Variants in DRP2 observed in about 807,000 individuals in gnomAD.
The protein encoded by DRP2 is dystrophin-related protein 2.
In DRP2, 29 loss-of-function variants were observed where a neutral mutation model predicts 78.2. The ratio of observed to expected loss-of-function variants is 0.37; its 90% CI spans 0.28 to 0.51. The LOEUF is 0.51. Among genes scored for constraint, DRP2 ranks in the 20% least tolerant of loss-of-function variants. DRP2 has a pLI of 0.94. For synonymous variants in DRP2, 290 were observed against 281.9 expected, an observed-to-expected ratio of 1.03 and a Z score of -0.29; for missense variants, 686 against 770.6, an observed-to-expected ratio of 0.89 and a Z score of 1.30.
intron 8 of DRP2, among the ~76,000 whole-genome samples, 190 bp downstream of exon 8, chrX:101,242,661 G>A: frequency 9.0e-6 from 1 of 111,198 alleles, no homozygotes; most frequent in Middle Eastern, 4.6e-3. Flanking sequence ...GGGTCTTTCT[G>A]GATTTGGGCA....
chrX:101,244,488 G>C (rs5921761), intron 9 of DRP2, among the ~76,000 whole-genome samples: 21,891 of 110,852 alleles, frequency 0.2, 2,532 homozygotes, highest in African/African-American at 0.43. Flanking sequence ...TGAGCCATTC[G>C]TGGAAGGTCC....
intron 9 of DRP2, among the ~76,000 whole-genome samples, chrX:101,243,922 G>A (rs1464780767): frequency 1.8e-5 from 2 of 111,517 alleles, no homozygotes; most frequent in African/African-American, 6.5e-5. Flanking sequence ...GTGGATGATA[G>A]CTGAGGGAAG....
chrX:101,224,394 C>CA (rs1260706316), intron 1 of DRP2, among the ~76,000 whole-genome samples: 2,263 of 14,954 alleles, frequency 0.15, 103 homozygotes, highest in African/African-American at 0.36. Flanking sequence ...GACTCCGTCT[C>CA]AAAAAAAAAA....
At position 101,224,181 on chromosome X, in the gene DRP2, G is replaced by GTTTTTTTTTT. The variant is rs1379202759; in HGVS notation, c.-166-423_-166-422insTTTTTTTTTT. Among the ~76,000 whole-genome samples, 66 of 47,638 alleles carry GTTTTTTTTTT rather than the reference G, an allele frequency of 1.4e-3. 7 individuals are homozygous for GTTTTTTTTTT. The highest frequency in any genetic ancestry group is 2.3e-3 in the African/African-American group (19 of 8,188). The allele number at this position is 47,638 out of a possible 115,157, so 41.4% of individuals were successfully genotyped here. ...TCCCAAGAATAATAAATGTTTGCTG[G>GTTTTTTTTTT]GTTTTTTTTGTTTTTTTTTTTTTTT... On this transcript the variant is annotated intron_variant, in intron 1 of 23. Transcript: ENST00000395209.
chrX:101,250,392 G>T (rs757221237), intron 14 of DRP2, 31 bp from the exon 15 acceptor site: 30 of 1,210,073 alleles, frequency 2.5e-5, no homozygotes, highest in Admixed American at 6.5e-5. Context: ...CCTGTGTCGG[G>T]GTTGGCCATT....
rs1006748074 is a variant in DRP2 at position 101,261,859 on chromosome X, C to T, written c.*1238C>T. The T allele has an allele frequency of 1.8e-5, 2 of 111,788 alleles. No individual in the cohort carries two copies. The highest frequency in any genetic ancestry group is 6.5e-5 in the African/African-American group (2 of 30,767). The allele number at this position is 111,788 out of a possible 1,213,427, so 9.2% of individuals were successfully genotyped here. On this transcript the variant is annotated 3_prime_UTR_variant, in exon 24 of 24. Coordinates refer to ENST00000395209, the MANE Select transcript of DRP2 (RefSeq NM_001939.3). ...ATGATCTCTTTATCCAGAAACTGTT[C>T]AGAATAGATAGTAGGGGTGGGGGAG...
intron 3 of DRP2, among the ~76,000 whole-genome samples, chrX:101,235,137 T>C (rs1175083450): frequency 1.8e-5 from 2 of 111,627 alleles, no homozygotes; most frequent in African/African-American, 6.5e-5. Context: ...GCCTTACCAG[T>C]GCCCAGGAGA....
chrX:101,256,092 A>G, intron 20 of DRP2, 26 bp from the exon 21 acceptor site: 1 of 1,142,498 alleles, frequency 8.8e-7, no homozygotes. Flanking sequence ...CTGGTCACCT[A>G]CTCTGCTTTC....
rs1351264900 is a variant in DRP2 at position 101,250,543 on chromosome X, G to A, written c.1661G>A (p.Ser554Asn). 2 of 1,204,984 alleles carry A rather than the reference G, an allele frequency of 1.7e-6. No individual in the cohort carries two copies. Among genetic ancestry groups the A allele is most frequent in the African/African-American group, 1.8e-5 (1 of 56,864 alleles). ...GGTGAAGTGGCAGCCTTTGGGGGCA[G>A]CAATGTGGAGCCCAGTGTCCGTAGT... ...QLGEVAAFGG[S>N]NVEPSVRSCF... The change falls in exon 15 of 24, where the codon AGC becomes AAC. Residue 554 changes from serine to asparagine, a missense_variant. Ser to Asn is a conservative substitution (Grantham distance 46). Around this residue, in one of 2 missense-constraint regions of DRP2, gnomAD observed 423 missense variants for 531.5 expected, o/e 0.80. Coordinates refer to ENST00000395209, the MANE Select transcript of DRP2 (RefSeq NM_001939.3).
intron 2 of DRP2, among the ~76,000 whole-genome samples, chrX:101,231,128 TCTC>T (rs1197275128): frequency 4.5e-5 from 5 of 112,284 alleles, no homozygotes; most frequent in Non-Finnish European, 7.5e-5. Flanking sequence ...ATTCTCCCTT[TCTC>T]CTCTGCACAA....
At chrX:101,237,872 C>T in intron 5 of DRP2, 97 bp downstream of exon 5, 1 of 883,651 alleles carries the variant, frequency 1.1e-6, no homozygotes, top group Non-Finnish European at 1.5e-6. Flanking sequence ...TGCTGAGACA[C>T]CTAAATGAAT....
chrX:101,235,948 G>T lies in DRP2; in HGVS notation c.206G>T (p.Gly69Val). ...LSLKLLNGSV[G>V]ASGPLEPPAM... ...CTAAAGCTGTTGAACGGGTCTGTTG[G>T]TGCCTCTGGACCCCTGGAACCACCA... The change falls in exon 4 of 24, where the codon GGT becomes GTT. Residue 69 changes from glycine (G) to valine (V), a missense_variant. This residue lies in a region of DRP2 where 263 missense variants were observed against 239.1 expected (regional missense o/e 1.10). Coordinates refer to ENST00000395209, the MANE Select transcript of DRP2 (RefSeq NM_001939.3). 1 of 1,211,947 alleles carries T rather than the reference G, an allele frequency of 8.3e-7. No individual in the cohort carries two copies. The highest frequency in any genetic ancestry group is 1.1e-6 in the Non-Finnish European group (1 of 895,494).
In DRP2 at chrX:101,256,280, G is replaced by A; in HGVS notation, c.2390+19G>A. ...AGAACCGGTGGGTGTGATGATAGCA[G>A]AAATCTGTGTGGGTTCTTGAGGCAG... On this transcript the variant is annotated intron_variant, in intron 21 of 23. Coordinates refer to ENST00000395209, the MANE Select transcript of DRP2 (RefSeq NM_001939.3). 4.4e-5 allele frequency: 51 copies of A among 1,156,222 alleles called. No homozygotes were observed. Among genetic ancestry groups the A allele is most frequent in the Non-Finnish European group, 5.6e-5 (49 of 867,493 alleles).
intron 2 of DRP2, among the ~76,000 whole-genome samples, chrX:101,226,311 T>C (rs1444652948): frequency 8.9e-6 from 1 of 112,434 alleles, no homozygotes; most frequent in African/African-American, 3.2e-5. Flanking sequence ...GCTGACATTG[T>C]ACTTATTATT....
At chrX:101,245,318 G>A in intron 10 of DRP2, 70 bp from the exon 11 acceptor site, 2 of 1,036,908 alleles carry the variant, frequency 1.9e-6, no homozygotes, top group South Asian at 4.1e-5. Flanking sequence ...CACTTGAGTG[G>A]TGTGCACATC....
intron 3 of DRP2, among the ~76,000 whole-genome samples, chrX:101,234,699 G>C (rs1443764132): frequency 9.0e-6 from 1 of 110,599 alleles, no homozygotes; most frequent in Non-Finnish European, 1.9e-5. Flanking sequence ...TCAGCTCCTG[G>C]GGCTGCAGGC....
Position 101,241,759 on chromosome X carries a change from C to A in DRP2, c.651C>A (p.Ala217=), listed in dbSNP as rs751957410. ...GTGAACTGTGGGAGAAGTTGACAGC[C>A]CGCTGTGTGGACCAGCACCGTCACA... The part of the protein sequence containing the change: ...VASELWEKLT[A]RCVDQHRHIE... Residue 217 remains alanine (A), a synonymous_variant, in exon 7 of 24, where the codon GCC becomes GCA. Coordinates refer to ENST00000395209, the MANE Select transcript of DRP2 (RefSeq NM_001939.3). 8.3e-7 allele frequency: 1 copy of A among 1,211,766 alleles called. No homozygotes were observed. Among genetic ancestry groups the A allele is most frequent in the Non-Finnish European group, 1.1e-6 (1 of 895,538 alleles).
chrX:101,230,376 A>G (rs1010764886), intron 2 of DRP2, among the ~76,000 whole-genome samples: 1 of 110,414 alleles, frequency 9.1e-6, no homozygotes, highest in African/African-American at 3.3e-5. Context: ...AATACGAAAA[A>G]TTAGTGGGGC....
At position 101,254,872 on chromosome X, in the gene DRP2, C is replaced by T. The variant is rs1923279487; in HGVS notation, c.2128C>T (p.Pro710Ser). 1 of 1,211,894 alleles carries T rather than the reference C, an allele frequency of 8.3e-7. No homozygotes were observed. The highest frequency in any genetic ancestry group is 3.0e-5 in the East Asian group (1 of 33,846). ...ADYSETPASS[P>S]MWPHADTHSR... ...GCTTTCTTCTAGGCCGGCTTCTTCC[C>T]CGATGTGGCCACACGCCGACACACA... The change falls in exon 19 of 24, where the codon CCG (proline) becomes TCG (serine). Residue 710 changes from proline to serine, a missense_variant. Transcript: ENST00000395209.
Sources: allele counts gnomAD v4.1 joint callset (sites outside exome capture counted in the v4.1 genomes callset), GRCh38; gene constraint gnomAD v4.1.1; regional missense constraint gnomAD v4.1.1; transcripts MANE v1.5; gene names NCBI Gene and HGNC (gene_info 2026-07-23, HGNC 2026-07-21).